Variants in NCALD observed in about 807,000 individuals in gnomAD.
The protein encoded by NCALD is neurocalcin-delta.
In NCALD, 10 loss-of-function variants were observed where a neutral mutation model predicts 18.6. That is an observed-to-expected ratio of 0.54 (90% CI 0.33 to 0.91). NCALD has a LOEUF of 0.91. Among genes scored for constraint, NCALD ranks in the 40% least tolerant of loss-of-function variants. The probability of loss-of-function intolerance (pLI) is 0.03; values close to 1 mark genes in which losing one functional copy is unlikely to be tolerated. For missense variants in NCALD, 184 were observed against 247.6 expected (o/e 0.74, Z 1.72); for synonymous variants, 88 against 87.4 (o/e 1.01, Z -0.04).
chr8:102,050,559 G>C (rs2132218827), intron 1 of NCALD, among the ~76,000 whole-genome samples: 1 of 150,252 alleles, frequency 6.7e-6, no homozygotes, highest in Non-Finnish European at 1.5e-5. Flanking sequence ...AATTTTTTTA[G>C]GGTCTCATTC....
At chr8:101,995,227 A>G (rs551016993) in intron 2 of NCALD, among the ~76,000 whole-genome samples, 1 of 152,214 alleles carries the variant, frequency 6.6e-6, no homozygotes, top group Non-Finnish European at 1.5e-5. Flanking sequence ...GGATCTGAAA[A>G]TTCAAACCAA....
chr8:101,691,539 T>C lies in NCALD; in HGVS notation c.484+1252A>G, dbSNP rs1390329032. ...GGACCTAGAGCACAGCACAAACCCA[T>C]TGTGCTCCCTTGAGTACCAGTAAAA... On this transcript the variant is annotated intron_variant, in intron 3 of 3. Coordinates refer to ENST00000220931, the MANE Select transcript of NCALD (RefSeq NM_032041.3). 41 of 985,244 alleles carry C rather than the reference T, an allele frequency of 4.2e-5. 1 individual carries two copies. The highest frequency in any genetic ancestry group is 4.9e-5 in the Non-Finnish European group (41 of 829,930). 61.0% of individuals were successfully genotyped at this position (985,244 alleles called of 1,614,324 possible). A position where few individuals can be genotyped will look rare whatever the true frequency, so the allele number is the denominator to read the frequency against.
chr8:101,946,246 A>T (rs140712129), intron 2 of NCALD, among the ~76,000 whole-genome samples: 159 of 152,326 alleles, frequency 1.0e-3, no homozygotes, highest in African/African-American at 3.2e-3. Flanking sequence ...AATATTCAAG[A>T]AATGATTATT....
At chr8:101,763,080 G>A (rs1016248815) in intron 1 of NCALD, among the ~76,000 whole-genome samples, 10 of 152,064 alleles carry the variant, frequency 6.6e-5, no homozygotes, top group African/African-American at 1.9e-4. Flanking sequence ...AATATTTATC[G>A]AGTGTATGTA....
intron 1 of NCALD, among the ~76,000 whole-genome samples, chr8:101,756,573 TG>T (rs1810891015): frequency 6.6e-6 from 1 of 152,214 alleles, no homozygotes. Context: ...GAATAAGCCC[TG>T]GAGATTTCAG....
At chr8:101,762,286 C>T (rs1811145485) in intron 1 of NCALD, among the ~76,000 whole-genome samples, 1 of 151,914 alleles carries the variant, frequency 6.6e-6, no homozygotes, top group South Asian at 2.1e-4. Flanking sequence ...AATAAAAATT[C>T]CATTTTGCTC....
At chr8:101,697,174 C>G (rs992861052) in intron 2 of NCALD, among the ~76,000 whole-genome samples, 3 of 151,860 alleles carry the variant, frequency 2.0e-5, no homozygotes, top group African/African-American at 7.3e-5. Context: ...CATCTCTATG[C>G]AAATAAACGG....
At chr8:101,774,936 C>T (rs965567475) in intron 1 of NCALD, among the ~76,000 whole-genome samples, 1 of 152,184 alleles carries the variant, frequency 6.6e-6, no homozygotes, top group African/African-American at 2.4e-5. Context: ...CCAGGTCTGA[C>T]AGCCTCAATC....
chr8:101,798,239 TTATC>T (rs1812713799), intron 4 of NCALD, among the ~76,000 whole-genome samples: 5 of 152,164 alleles, frequency 3.3e-5, no homozygotes, highest in Admixed American at 3.3e-4. Flanking sequence ...GATGAAATGA[TTATC>T]TATATAGGAA....
chr8:101,932,017 A>G (rs971203505), intron 2 of NCALD, among the ~76,000 whole-genome samples: 1 of 152,054 alleles, frequency 6.6e-6, no homozygotes, highest in Non-Finnish European at 1.5e-5. Flanking sequence ...CACACTACCT[A>G]CCATTAGAGA....
chr8:102,092,831 C>T (rs974240229), intron 1 of NCALD, among the ~76,000 whole-genome samples: 3 of 152,154 alleles, frequency 2.0e-5, no homozygotes, highest in African/African-American at 7.2e-5. Flanking sequence ...TTCCATTTTT[C>T]GCACCTCTCA....
chr8:102,038,772 A>G (rs1822955774), intron 1 of NCALD, among the ~76,000 whole-genome samples: 1 of 152,136 alleles, frequency 6.6e-6, no homozygotes, highest in South Asian at 2.1e-4. Context: ...ATCATATATC[A>G]TCACTTCCCC....
At chr8:102,001,545 G>A (rs1227012307) in intron 2 of NCALD, among the ~76,000 whole-genome samples, 15 of 152,102 alleles carry the variant, frequency 9.9e-5, no homozygotes, top group African/African-American at 1.7e-4. Flanking sequence ...GATACTCCTC[G>A]AGAAGAGCAA....
At chr8:102,009,945 A>T (rs1446654420) in intron 2 of NCALD, among the ~76,000 whole-genome samples, 1 of 152,242 alleles carries the variant, frequency 6.6e-6, no homozygotes, top group Non-Finnish European at 1.5e-5. Context: ...AGGCAACTGT[A>T]AGGCCCCACT....
intron 2 of NCALD, among the ~76,000 whole-genome samples, chr8:102,008,917 T>TACACAC (rs761346653): frequency 0.042 from 1,619 of 38,494 alleles, 68 homozygotes; most frequent in Admixed American, 0.055. Context: ...CCCGCCCCCC[T>TACACAC]ACACACACAC....
chr8:101,845,095 T>C (rs1361982960), intron 4 of NCALD, among the ~76,000 whole-genome samples: 1 of 152,200 alleles, frequency 6.6e-6, no homozygotes, highest in African/African-American at 2.4e-5. Flanking sequence ...GGTGACTGTC[T>C]AGTTGGAAGG....
At chr8:101,811,921 C>CT (rs1254274050) in intron 4 of NCALD, among the ~76,000 whole-genome samples, 1 of 152,198 alleles carries the variant, frequency 6.6e-6, no homozygotes, top group Non-Finnish European at 1.5e-5. Flanking sequence ...AGAGAACGTG[C>CT]TAAACACAAG....
At chr8:101,773,487 T>C (rs756269546) in intron 1 of NCALD, among the ~76,000 whole-genome samples, 5 of 152,164 alleles carry the variant, frequency 3.3e-5, no homozygotes, top group Non-Finnish European at 7.4e-5. Context: ...AGTAGGATGG[T>C]GGAGACCATG....
rs902920041 is a variant in NCALD at position 101,821,902 on chromosome 8, A to C, written c.-20+65239T>G. ...TAAGTAAAAAAAAAAAAAAAAAAAA[A>C]AAAAATGTAATTTTTTTCCAGCATA... On this transcript the variant is annotated intron_variant, in intron 4 of 6. Transcript: ENST00000311028. Among the ~76,000 whole-genome samples, 24 of 150,286 alleles carry C rather than the reference A, an allele frequency of 1.6e-4. 1 individual carries two copies. The highest frequency in any genetic ancestry group is 1.6e-3 in the Admixed American group (24 of 15,150).
Sources: allele counts gnomAD v4.1 joint callset (sites outside exome capture counted in the v4.1 genomes callset), GRCh38; gene constraint gnomAD v4.1.1; transcripts MANE v1.5; gene names NCBI Gene and HGNC (gene_info 2026-07-23, HGNC 2026-07-21).